Variants in C16orf46 observed in about 807,000 individuals in gnomAD.
C16orf46 encodes the protein chromosome 16 open reading frame 46, also known as uncharacterized protein C16orf46.
A neutral mutation model predicts 5.5 loss-of-function variants in C16orf46; 7 were observed. That is an observed-to-expected ratio of 1.28 (90% CI 0.73 to 2.40). The LOEUF (loss-of-function observed/expected upper bound fraction) is 2.40, where lower values mean the gene tolerates loss of function less well. C16orf46 is among the 30% of genes most tolerant of loss of function. The probability of loss-of-function intolerance (pLI) is 0.00; values close to 1 mark genes in which losing one functional copy is unlikely to be tolerated. For synonymous variants in C16orf46, 200 were observed against 184.1 expected (o/e 1.09, Z -0.70); for missense variants, 614 against 476.0 (o/e 1.29, Z -2.70).
downstream of C16orf46, among the ~76,000 whole-genome samples, chr16:81,058,675 AT>A (rs1971374605): frequency 4.6e-5 from 7 of 152,368 alleles, no homozygotes; most frequent in South Asian, 1.4e-3. Context: ...GAGGGAAATT[AT>A]CCAGCTTGTT....
chr16:81,061,081 G>C lies in C16orf46; in HGVS notation c.*80C>G. 1.4e-6 allele frequency: 2 copies of C among 1,456,888 alleles called. No homozygotes were observed. The highest frequency in any genetic ancestry group is 1.8e-6 in the Non-Finnish European group (2 of 1,087,384). 90.2% of individuals were successfully genotyped at this position (1,456,888 alleles called of 1,614,324 possible). Reference sequence around the variant, plus strand: ...GAGAGAAAGAGAGAGTGGGGGGTGGGTGGGAAATGAGAGAGAAGAAAGAGA... The same window carrying C: ...GAGAGAAAGAGAGAGTGGGGGGTGGCTGGGAAATGAGAGAGAAGAAAGAGA... On this transcript the variant is annotated 3_prime_UTR_variant, in exon 4 of 4. Coordinates refer to ENST00000299578, the MANE Select transcript of C16orf46 (RefSeq NM_152337.3).
At position 81,066,798 on chromosome 16, in the gene C16orf46, C is replaced by T. The variant is rs150911645; in HGVS notation, c.-127-517G>A. ...TTACAACCTGATTCAGTTTGAGAAT[C>T]ACCAGGATAAAGCATACATCAAAGT... On this transcript the variant is annotated intron_variant, in intron 1 of 3. Transcript: ENST00000299578. Among the ~76,000 whole-genome samples, 13 of 152,278 alleles carry T rather than the reference C, an allele frequency of 8.5e-5. No individual in the cohort carries two copies. In the East Asian group the frequency reaches 2.3e-3, roughly 27 times the overall value.
chr16:81,056,920 A>G (rs893401796), downstream of C16orf46, among the ~76,000 whole-genome samples: 1 of 152,126 alleles, frequency 6.6e-6, no homozygotes, highest in African/African-American at 2.4e-5. Context: ...GCTGCAGCAA[A>G]GGCGGTGGGC....
Position 81,061,387 on chromosome 16 carries a change from A to T in C16orf46, c.962T>A (p.Leu321His). The T allele has an allele frequency of 8.1e-6, 13 of 1,614,188 alleles. No homozygotes were observed. The highest frequency in any genetic ancestry group is 1.1e-5 in the Non-Finnish European group (13 of 1,180,030). ...CPPDPSNVRY[L>H]AALQLLQKRG... ...TTTCTGCAGAAGCTGCAAGGCAGCA[A>T]GGTAGCGAACGTTGCTGGGGTCTGG... The change falls in exon 4 of 4, where the codon CTT becomes CAT. Residue 321 changes from leucine (L) to histidine (H), a missense_variant. By Grantham distance (99) the Leu-to-His change is moderately conservative (BLOSUM62 -3). Transcript: ENST00000299578.
At chr16:81,054,075 T>C (rs1185317838) in exon 4 of C16orf46, 1 of 1,612,562 alleles carries the variant, frequency 6.2e-7, no homozygotes. Context: ...CCTCTCCTAC[T>C]TTATCTTCTT....
Position 81,061,509 on chromosome 16 carries a change from G to A in C16orf46, c.840C>T (p.Ser280=), listed in dbSNP as rs767747223. The A allele has an allele frequency of 1.6e-4, 255 of 1,614,060 alleles. 2 individuals carry two copies. The South Asian group carries it at 1.8e-3, about 12-fold the overall frequency. Residue 280 remains serine, a synonymous_variant, in exon 4 of 4, where the codon TCC becomes TCT. Transcript: ENST00000299578. ...AKHPMVNDTP[S]SPSPAAQISL... The stretch of plus-strand genomic sequence containing the variant: ...ATATCTGGGCCGCTGGGGAAGGGGA[G>A]GATGGCGTGTCGTTGACCATAGGGT...
In C16orf46 at chr16:81,063,890, T is replaced by C. The variant is rs1971568440; in HGVS notation, c.66A>G (p.Thr22=). The C allele has an allele frequency of 1.9e-6, 3 of 1,613,848 alleles. No individual in the cohort carries two copies. Among genetic ancestry groups the C allele is most frequent in the Non-Finnish European group, 2.5e-6 (3 of 1,179,794 alleles). Residue 22 remains threonine, a synonymous_variant, in exon 3 of 4, where the codon ACA becomes ACG. Transcript: ENST00000299578. ...AAGTATAGGTTGGTTCTGTTTCTTC[T>C]GTGAACTGAATTTCATTATTTTCAG... ...ENAENNEIQF[T]EETEPTYTCP... is the part of the protein sequence containing the mutation.
Position 81,066,510 on chromosome 16 carries a change from T to A in C16orf46, c.-127-229A>T, listed in dbSNP as rs530497496. 2.0e-5 allele frequency among the ~76,000 whole-genome samples: 3 copies of A among 152,306 alleles called. No homozygotes were observed. The South Asian group carries it at 6.2e-4, about 32-fold the overall frequency. On this transcript the variant is annotated intron_variant, in intron 1 of 3. Coordinates refer to ENST00000299578, the MANE Select transcript of C16orf46 (RefSeq NM_152337.3). The stretch of plus-strand genomic sequence containing the variant: ...GCCTGCCACCACGCCTGGCTAATTT[T>A]TTTGTAACTGTCGAGTTTTATTACC...
chr16:81,057,198 G>A (rs1002056093), downstream of C16orf46, among the ~76,000 whole-genome samples: 1 of 152,136 alleles, frequency 6.6e-6, no homozygotes, highest in Non-Finnish European at 1.5e-5. Flanking sequence ...GAGCATTGCT[G>A]TAAATACAGC....
downstream of C16orf46, among the ~76,000 whole-genome samples, chr16:81,058,847 T>C (rs1971378749): frequency 6.6e-6 from 1 of 152,156 alleles, no homozygotes; most frequent in African/African-American, 2.4e-5. Context: ...TATGTGATAT[T>C]TTCCACCTAG....
intron 1 of C16orf46, among the ~76,000 whole-genome samples, chr16:81,070,408 C>A (rs986428188): frequency 6.6e-6 from 1 of 152,114 alleles, no homozygotes; most frequent in African/African-American, 2.4e-5. Context: ...CATAAAGCTA[C>A]AGTAATCAAA....
downstream of C16orf46, chr16:81,060,588 G>A (rs1003908555): frequency 1.6e-4 from 25 of 153,594 alleles, no homozygotes; most frequent in African/African-American, 5.5e-4. Context: ...GAGATTAGAG[G>A]CGTAAGCCAC....
chr16:81,054,245 C>G lies in C16orf46; in HGVS notation c.1144-151G>C, dbSNP rs914274407. 8 of 466,286 alleles carry G rather than the reference C, an allele frequency of 1.7e-5. No individual in the cohort carries two copies. In the Middle Eastern group the frequency reaches 9.3e-4, roughly 54 times the overall value. 28.9% of individuals were successfully genotyped at this position (466,286 alleles called of 1,614,324 possible). A position where few individuals can be genotyped will look rare whatever the true frequency, so the allele number is the denominator to read the frequency against. On this transcript the variant is annotated intron_variant, in intron 3 of 3. Coordinates refer to the C16orf46 transcript ENST00000378611. ...TTTTTCCTTGGTAGATGAAACTAGT[C>G]TCTAAAAACCAACAAGCAAACAACA...
chr16:81,062,366 C>T (rs564331174), intron 3 of C16orf46, among the ~76,000 whole-genome samples: 34 of 151,908 alleles, frequency 2.2e-4, no homozygotes, highest in African/African-American at 7.5e-4. Context: ...CTACTTTCAC[C>T]GCTATAAAGC....
chr16:81,067,798 C>T (rs2151754258), intron 1 of C16orf46, among the ~76,000 whole-genome samples: 1 of 152,126 alleles, frequency 6.6e-6, no homozygotes, highest in South Asian at 2.1e-4. Context: ...GGTGATCCAC[C>T]CATCTCAGCC....
chr16:81,056,699 A>C, downstream of C16orf46, among the ~76,000 whole-genome samples: 1 of 17,622 alleles, frequency 5.7e-5, no homozygotes, highest in Non-Finnish European at 5.5e-4. Flanking sequence ...CCGTCTCAAA[A>C]AAAAAAAAAA....
At position 81,075,805 on chromosome 16, in the gene C16orf46, G is replaced by A. The variant is rs564438536; in HGVS notation, c.-128+1331C>T. 4.6e-5 allele frequency among the ~76,000 whole-genome samples: 7 copies of A among 152,342 alleles called. No homozygotes were observed. In the East Asian group the frequency reaches 9.6e-4, roughly 21 times the overall value. On this transcript the variant is annotated intron_variant, in intron 1 of 3. Transcript: ENST00000299578. ...CGTAGCTTCCTATACCTGGTTGACAGATTCCTAATCCATTAAGGGCAGGGG... is the reference window on the plus strand; with the variant it reads ...CGTAGCTTCCTATACCTGGTTGACAAATTCCTAATCCATTAAGGGCAGGGG...
downstream of C16orf46, among the ~76,000 whole-genome samples, chr16:81,059,783 C>G (rs1971407879): frequency 6.6e-6 from 1 of 151,312 alleles, no homozygotes; most frequent in Non-Finnish European, 1.5e-5. Flanking sequence ...TTATTTTTTT[C>G]CCAAAAAGAT....
At chr16:81,059,660 G>A (rs1168281444), downstream of C16orf46, among the ~76,000 whole-genome samples, 1 of 152,192 alleles carries the variant, frequency 6.6e-6, no homozygotes, top group African/African-American at 2.4e-5. Context: ...AGGAAGGACA[G>A]AGGGAGAAAA....
Sources: gnomAD v4.1 joint callset for allele counts (sites outside exome capture counted in the v4.1 genomes callset) on GRCh38, gnomAD v4.1.1 for gene constraint, MANE v1.5 for transcripts, NCBI Gene and HGNC (gene_info 2026-07-23, HGNC 2026-07-21) for gene names.